Variants in RNF126 observed in about 807,000 individuals in gnomAD.
The protein encoded by RNF126 is ring finger protein 126, also known as E3 ubiquitin-protein ligase RNF126.
RNF126 carries 20 observed loss-of-function variants against 41.9 expected under a neutral mutation model. That is an observed-to-expected ratio of 0.48 (90% confidence interval 0.34 to 0.69). RNF126 has a LOEUF of 0.69. Among genes scored for constraint, RNF126 ranks in the 30% least tolerant of loss-of-function variants. The probability of loss-of-function intolerance (pLI) is 0.01; values close to 1 mark genes in which losing one functional copy is unlikely to be tolerated. For missense variants in RNF126, 433 were observed against 460.6 expected, an observed-to-expected ratio of 0.94 and a Z score of 0.55; for synonymous variants, 239 against 202.9, an observed-to-expected ratio of 1.18 and a Z score of -1.51.
At chr19:653,012 G>A (rs545041430) in intron 1 of RNF126, 128 bp from the exon 2 acceptor site, 2 of 875,652 alleles carry the variant, frequency 2.3e-6, no homozygotes, top group African/African-American at 1.7e-5. Context: ...AGGCCAGGGT[G>A]GCTCCCAACC....
At chr19:652,551 CT>C (rs1001746914) in intron 2 of RNF126, 29 of 602,742 alleles carry the variant, frequency 4.8e-5, no homozygotes, top group African/African-American at 4.6e-4. Context: ...CCCGTGGCCC[CT>C]TCCCCGGAGG....
In RNF126 at chr19:659,123, T is replaced by C. The variant is rs1015770841; in HGVS notation, c.75+3924A>G. Among the ~76,000 whole-genome samples, 3 of 152,030 alleles carry C rather than the reference T, an allele frequency of 2.0e-5. No individual in the cohort carries two copies. Among genetic ancestry groups the C allele is most frequent in the Non-Finnish European group, 4.4e-5 (3 of 67,996 alleles). ...CGCTCCAGGGTGCTGGCCGGACGCT[T>C]GAGAGGCAGGGGCAGGCTGTCACTG... On this transcript the variant is annotated intron_variant, in intron 1 of 8. Coordinates refer to ENST00000292363, the MANE Select transcript of RNF126 (RefSeq NM_194460.3). The surrounding 1 kb of genome is among the most constrained non-coding windows in gnomAD (Gnocchi z 4.9).
rs1354521027 is a variant in RNF126, at chr19:663,032, C to G, written c.75+15G>C. 8.3e-6 allele frequency: 11 copies of G among 1,330,932 alleles called. No individual in the cohort carries two copies. The highest frequency in any genetic ancestry group is 1.1e-5 in the Non-Finnish European group (11 of 1,033,400). The allele number at this position is 1,330,932 out of a possible 1,614,324, so 82.4% of individuals were successfully genotyped here. Reference sequence around the variant, plus strand: ...GCGCAGACCCTGCCGCCCGCCGCCCCGGCCCGGGCCTCACCGGCAGGCGCG... The same window carrying G: ...GCGCAGACCCTGCCGCCCGCCGCCCGGGCCCGGGCCTCACCGGCAGGCGCG... On this transcript the variant is annotated intron_variant, in intron 1 of 8. Transcript: ENST00000292363.
At chr19:652,378 T>A in intron 2 of RNF126, 82 bp from the exon 3 acceptor site, 4 of 1,236,462 alleles carry the variant, frequency 3.2e-6, no homozygotes, top group Non-Finnish European at 4.5e-6. Flanking sequence ...AAAGCCTATG[T>A]TGGGAGAGCA....
intron 6 of RNF126, chr19:649,394 A>C: frequency 2.2e-6 from 1 of 463,482 alleles, no homozygotes; most frequent in Admixed American, 3.7e-5. Flanking sequence ...CCTCTCGGGA[A>C]GAGGGACCGC....
chr19:662,765 G>A (rs1473993946), intron 1 of RNF126, among the ~76,000 whole-genome samples: 1 of 152,110 alleles, frequency 6.6e-6, no homozygotes, highest in Non-Finnish European at 1.5e-5. Flanking sequence ...CGGGAACGCC[G>A]CGGATGTGGG....
chr19:649,145 C>G, intron 6 of RNF126, 170 bp from the exon 7 acceptor site: 1 of 368,206 alleles, frequency 2.7e-6, no homozygotes, highest in Non-Finnish European at 4.9e-6. Context: ...ACGCGGCCCC[C>G]CCGCTCCTGG....
rs1239433501 is a variant in RNF126, at chr19:663,047, C to A, written c.75G>T (p.Pro25=). Residue 25 remains proline (P), a splice_region_variant and synonymous_variant, in exon 1 of 9, where the codon CCG becomes CCT. Coordinates refer to ENST00000292363, the MANE Select transcript of RNF126 (RefSeq NM_194460.3). The stretch of plus-strand genomic sequence containing the variant: ...CCCGCCGCCCCGGCCCGGGCCTCAC[C>A]GGCAGGCGCGGGACGATCTCCACGG... ...CCSVEIVPRL[P]DYICPRCESG... 2 of 1,366,846 alleles carry A rather than the reference C, an allele frequency of 1.5e-6. No individual in the cohort carries two copies. Among genetic ancestry groups the A allele is most frequent in the Admixed American group, 3.0e-5 (1 of 33,686 alleles). The allele number at this position is 1,366,846 out of a possible 1,614,324, so 84.7% of individuals were successfully genotyped here.
intron 5 of RNF126, 46 bp from the exon 6 acceptor site, chr19:649,794 C>T (rs1051501453): frequency 1.4e-5 from 21 of 1,465,020 alleles, no homozygotes; most frequent in East Asian, 2.5e-5. Context: ...GCAGCTGGGG[C>T]AGGTGCGTCT....
At position 659,237 on chromosome 19, in the gene RNF126, G is replaced by A. The variant is rs1481006668; in HGVS notation, c.75+3810C>T. Among the ~76,000 whole-genome samples, 2 of 152,148 alleles carry A rather than the reference G, an allele frequency of 1.3e-5. No homozygotes were observed. Among genetic ancestry groups the A allele is most frequent in the African/African-American group, 2.4e-5 (1 of 41,442 alleles). On this transcript the variant is annotated intron_variant, in intron 1 of 8. Coordinates refer to ENST00000292363, the MANE Select transcript of RNF126 (RefSeq NM_194460.3). This position sits in a 1 kb window ranked among gnomAD's most constrained non-coding sequence, Gnocchi z 4.9. ...GTCTTCTGAAGACTCGGGCCAGGCC[G>A]CCGCAGGGACCAGGAGAAGACAGGG...
At chr19:649,579 CCTTTGTGGGG>C (rs2030170899) in intron 6 of RNF126, 90 bp downstream of exon 6, 3 of 968,300 alleles carry the variant, frequency 3.1e-6, no homozygotes, top group Non-Finnish European at 4.7e-6. Context: ...TCCCCTTTGA[CCTTTGTGGGG>C]CTTCGTGGGT....
At chr19:661,609 C>T (rs973623650) in intron 1 of RNF126, among the ~76,000 whole-genome samples, 3 of 152,162 alleles carry the variant, frequency 2.0e-5, no homozygotes, top group African/African-American at 7.2e-5. Context: ...CCCCGCTCTC[C>T]CGCCATGCCC....
At chr19:656,120 G>A (rs1047331211) in intron 1 of RNF126, among the ~76,000 whole-genome samples, 1 of 152,106 alleles carries the variant, frequency 6.6e-6, no homozygotes, top group African/African-American at 2.4e-5. Flanking sequence ...AGACTGTGGT[G>A]GTGGTTGCAC....
Position 652,855 on chromosome 19 carries a change from A to T in RNF126, c.105T>A (p.Gly35=), listed in dbSNP as rs1450374228. ...TCTCTTCCGGAAGCTCCTCGATAAAACCAGACTCGCATCTTGGACAGATAT... is the reference window on the plus strand; with the variant it reads ...TCTCTTCCGGAAGCTCCTCGATAAATCCAGACTCGCATCTTGGACAGATAT... ...PDYICPRCES[G]FIEELPEETR... The change falls in exon 2 of 9, where the codon GGT becomes GGA. Residue 35 remains glycine (G), a synonymous_variant. Coordinates refer to ENST00000292363, the MANE Select transcript of RNF126 (RefSeq NM_194460.3). 2 of 1,613,012 alleles carry T rather than the reference A, an allele frequency of 1.2e-6. No individual in the cohort carries two copies. Among genetic ancestry groups the T allele is most frequent in the Non-Finnish European group, 1.7e-6 (2 of 1,179,766 alleles).
chr19:651,958 G>A, intron 3 of RNF126, 103 bp from the exon 4 acceptor site: 1 of 1,100,482 alleles, frequency 9.1e-7, no homozygotes. Context: ...GGGCCCTGCT[G>A]GGTGCCGGGT....
At chr19:652,403 C>T (rs1240465197) in intron 2 of RNF126, 107 bp from the exon 3 acceptor site, 1 of 976,024 alleles carries the variant, frequency 1.0e-6, no homozygotes, top group Admixed American at 2.9e-5. Flanking sequence ...TTGTCCTTGG[C>T]ACTGCTTCCC....
At chr19:649,112 G>C in intron 6 of RNF126, 137 bp from the exon 7 acceptor site, 1 of 420,578 alleles carries the variant, frequency 2.4e-6, no homozygotes, top group Non-Finnish European at 4.1e-6. Flanking sequence ...GCCCGCCCGG[G>C]GTCGGAGATC....
rs61754469 is a variant in RNF126 at position 651,684 on chromosome 19, C to A, written c.370G>T (p.Ala124Ser). The change falls in exon 4 of 9, where the codon GCC (alanine) becomes TCC (serine). Residue 124 changes from alanine (A) to serine (S), a missense_variant. This residue lies in a region of RNF126 where 247 missense variants were observed against 224.7 expected (regional missense o/e 1.10). Transcript: ENST00000292363. Reference sequence around the variant, plus strand: ...GTGAGGCGGGCGCGGGGCTGTCGGGCGCCGTACCGGTGCCGGGACGGATGG... The same window carrying A: ...GTGAGGCGGGCGCGGGGCTGTCGGGAGCCGTACCGGTGCCGGGACGGATGG... ...RDHPSRHRYG[A>S]RQPRARLTTR... is the part of the protein sequence containing the mutation. The A allele has an allele frequency of 1.9e-6, 3 of 1,580,420 alleles. No homozygotes were observed. The highest frequency in any genetic ancestry group is 1.8e-5 in the Admixed American group (1 of 56,228).
At position 663,118 on chromosome 19, in the gene RNF126, C is replaced by A; in HGVS notation, c.4G>T (p.Ala2Ser). M[A>S]EASPHPGRYF... ...CGTCCGGGATGCGGCGACGCCTCGG[C>A]CATGGCCGCCGCCACCTACTCCGCG... is the stretch of plus-strand genomic sequence containing the variant. Residue 2 changes from alanine to serine, a missense_variant, in exon 1 of 9, where the codon GCC becomes TCC. Coordinates refer to ENST00000292363, the MANE Select transcript of RNF126 (RefSeq NM_194460.3). 7.7e-7 allele frequency: 1 copy of A among 1,296,182 alleles called. No homozygotes were observed. Among genetic ancestry groups the A allele is most frequent in the Non-Finnish European group, 9.8e-7 (1 of 1,016,592 alleles). The allele number at this position is 1,296,182 out of a possible 1,614,324, so 80.3% of individuals were successfully genotyped here. A position where few individuals can be genotyped will look rare whatever the true frequency, so the allele number is the denominator to read the frequency against.
Sources: gnomAD v4.1 joint callset for allele counts (sites outside exome capture counted in the v4.1 genomes callset) on GRCh38, gnomAD v4.1.1 for gene constraint, gnomAD v4.1.1 regional missense constraint, Gnocchi (gnomAD v3.1) non-coding constraint, MANE v1.5 for transcripts, NCBI Gene and HGNC (gene_info 2026-07-23, HGNC 2026-07-21) for gene names.